IL15: variants seen among roughly 807,000 people sequenced by gnomAD.
IL15 encodes interleukin-15.
Under a neutral mutation model 19.6 loss-of-function variants are expected in IL15, and 11 were observed. That is an observed-to-expected ratio of 0.56 (90% CI 0.35 to 0.93). The LOEUF is 0.93. Ranked by LOEUF, IL15 falls within the 40% of genes least tolerant of loss-of-function variation. The pLI is 0.01. For synonymous variants in IL15, 58 were observed against 59.6 expected, an observed-to-expected ratio of 0.97 and a Z score of 0.12; for missense variants, 197 against 186.5, an observed-to-expected ratio of 1.06 and a Z score of -0.33.
intron 5 of IL15, among the ~76,000 whole-genome samples, chr4:141,723,841 G>A (rs1730174417): frequency 6.6e-6 from 1 of 152,036 alleles, no homozygotes; most frequent in African/African-American, 2.4e-5. Flanking sequence ...CTCAAAATTT[G>A]TGAAACAAAA....
intron 5 of IL15, among the ~76,000 whole-genome samples, chr4:141,722,619 C>A (rs189937096): frequency 4.0e-4 from 61 of 152,110 alleles, no homozygotes; most frequent in African/African-American, 1.3e-3. Flanking sequence ...AGCCAAGATA[C>A]AATTGGAAAT....
At chr4:141,710,549 G>GGA (rs1729683589) in intron 2 of IL15, among the ~76,000 whole-genome samples, 1 of 151,826 alleles carries the variant, frequency 6.6e-6, no homozygotes, top group African/African-American at 2.4e-5. Flanking sequence ...CCATCTCTTA[G>GGA]TAAGGAAATA....
At chr4:141,727,701 A>G (rs948076032) in intron 5 of IL15, among the ~76,000 whole-genome samples, 1 of 152,108 alleles carries the variant, frequency 6.6e-6, no homozygotes, top group African/African-American at 2.4e-5. Flanking sequence ...GCATTGTATT[A>G]ATGTCAATTT....
At chr4:141,650,867 C>G (rs542650549) in intron 1 of IL15, among the ~76,000 whole-genome samples, 2 of 152,078 alleles carry the variant, frequency 1.3e-5, no homozygotes, top group South Asian at 4.2e-4. Flanking sequence ...AAGTACCTTG[C>G]TAGTGTCACA....
At chr4:141,660,011 A>G (rs976023972) in intron 2 of IL15, among the ~76,000 whole-genome samples, 11 of 152,014 alleles carry the variant, frequency 7.2e-5, no homozygotes, top group Non-Finnish European at 1.3e-4. Context: ...ATCTCTTTCA[A>G]TTTGCACAGT....
chr4:141,727,273 G>A (rs1730296200), intron 5 of IL15, among the ~76,000 whole-genome samples: 1 of 152,014 alleles, frequency 6.6e-6, no homozygotes, highest in South Asian at 2.1e-4. Context: ...AGGGAAACTG[G>A]GGTGGAGAAC....
intron 2 of IL15, among the ~76,000 whole-genome samples, chr4:141,694,117 T>G (rs1729013767): frequency 6.6e-6 from 1 of 152,160 alleles, no homozygotes; most frequent in Non-Finnish European, 1.5e-5. Context: ...TATCTATGGT[T>G]GTAAAGGGAA....
chr4:141,719,461 A>C lies in IL15; in HGVS notation c.-4A>C. 2.1e-6 allele frequency: 2 copies of C among 959,810 alleles called. No individual in the cohort carries two copies. The highest frequency in any genetic ancestry group is 3.4e-6 in the Non-Finnish European group (2 of 587,574). 59.5% of individuals were successfully genotyped at this position (959,810 alleles called of 1,614,324 possible). On this transcript the variant is annotated 5_prime_UTR_variant, in exon 3 of 8. The change abolishes the stop of an existing upstream ORF in the 5' untranslated region. Coordinates refer to ENST00000320650, the MANE Select transcript of IL15 (RefSeq NM_000585.5). The stretch of plus-strand genomic sequence containing the variant: ...TACTTAAGGATTTACCGTGGCTTTG[A>C]GTAATGAGAATTTCGGTAAGAAAAA...
intron 1 of IL15, among the ~76,000 whole-genome samples, chr4:141,654,843 T>A (rs959958967): frequency 1.3e-5 from 2 of 152,132 alleles, no homozygotes; most frequent in Non-Finnish European, 2.9e-5. Context: ...TTTGGTTACC[T>A]CTTGTTGGGT....
intron 1 of IL15, among the ~76,000 whole-genome samples, chr4:141,643,591 C>A (rs1472819899): frequency 6.6e-6 from 1 of 152,170 alleles, no homozygotes; most frequent in East Asian, 1.9e-4. Context: ...TCCTTATTTT[C>A]CTTTTACCAT....
intron 3 of IL15, among the ~76,000 whole-genome samples, chr4:141,719,890 C>T (rs1730016783): frequency 6.6e-6 from 1 of 152,022 alleles, no homozygotes; most frequent in Non-Finnish European, 1.5e-5. Context: ...GGTGAAAGTA[C>T]CAAAACTCTG....
chr4:141,666,081 A>ATTATTTATTTAT (rs10530521), intron 2 of IL15, among the ~76,000 whole-genome samples: 63,394 of 143,170 alleles, frequency 0.44, 15,021 homozygotes, highest in South Asian at 0.55. Context: ...CTTTTTATTT[A>ATTATTTATTTAT]TTATTTATTT....
intron 2 of IL15, among the ~76,000 whole-genome samples, chr4:141,666,970 T>C (rs1259372916): frequency 6.6e-6 from 1 of 152,156 alleles, no homozygotes; most frequent in African/African-American, 2.4e-5. Context: ...TCCTATCCAA[T>C]GAATTTTCCA....
chr4:141,727,496 A>G (rs1000125541), intron 5 of IL15, among the ~76,000 whole-genome samples: 2 of 152,108 alleles, frequency 1.3e-5, no homozygotes, highest in African/African-American at 4.8e-5. Context: ...ATGATGAGGT[A>G]TGTATGGGGA....
In IL15 at chr4:141,687,473, A is replaced by G. The variant is rs1728747044; in HGVS notation, c.-100+31166A>G. On this transcript the variant is annotated intron_variant, in intron 2 of 7. Coordinates refer to ENST00000320650, the MANE Select transcript of IL15 (RefSeq NM_000585.5). The stretch of plus-strand genomic sequence containing the variant: ...TTTTTAGGAGGTAGAAGGTGAGGAC[A>G]GGCTAGGACCACTCTCCACACCTCC... Among the ~76,000 whole-genome samples, 3 of 152,168 alleles carry G rather than the reference A, an allele frequency of 2.0e-5. No individual in the cohort carries two copies. The South Asian group carries it at 6.2e-4, about 32-fold the overall frequency.
intron 2 of IL15, among the ~76,000 whole-genome samples, chr4:141,673,470 G>A (rs181048621): frequency 5.6e-4 from 85 of 152,130 alleles, no homozygotes; most frequent in African/African-American, 2.0e-3. Context: ...TTATGCCTTT[G>A]GTATCTTACT....
intron 2 of IL15, among the ~76,000 whole-genome samples, chr4:141,682,034 A>C (rs1245948405): frequency 6.6e-6 from 1 of 152,182 alleles, no homozygotes; most frequent in African/African-American, 2.4e-5. Context: ...AATGGTTTTG[A>C]TTTGGAGTAA....
At chr4:141,677,295 G>C (rs988312124) in intron 2 of IL15, among the ~76,000 whole-genome samples, 3 of 152,082 alleles carry the variant, frequency 2.0e-5, no homozygotes, top group Non-Finnish European at 4.4e-5. Flanking sequence ...AGACCTTTAT[G>C]ATGATCCACT....
At chr4:141,684,531 G>A (rs1178585213) in intron 2 of IL15, among the ~76,000 whole-genome samples, 1 of 152,124 alleles carries the variant, frequency 6.6e-6, no homozygotes, top group Non-Finnish European at 1.5e-5. Flanking sequence ...ATGCAATCTG[G>A]CTTCAACCTG....
Sources: allele counts gnomAD v4.1 joint callset (sites outside exome capture counted in the v4.1 genomes callset), GRCh38; gene constraint gnomAD v4.1.1; transcripts MANE v1.5; gene names NCBI Gene and HGNC (gene_info 2026-07-23, HGNC 2026-07-21).